The following SCML4 variants were observed in gnomAD, a reference collection of about 807,000 sequenced individuals.
SCML4 encodes sex comb on midleg-like protein 4.
Under a neutral mutation model 41.1 loss-of-function variants are expected in SCML4, and 34 were observed. The observed-to-expected ratio is 0.83, with a 90% CI of 0.63 to 1.10. The LOEUF (loss-of-function observed/expected upper bound fraction) is 1.10. Among genes scored for constraint, SCML4 ranks in the 50% least tolerant of loss-of-function variants. SCML4 has a pLI of 0.00. For synonymous variants in SCML4, 214 were observed against 220.9 expected (o/e 0.97, Z 0.28); for missense variants, 522 against 534.1 (o/e 0.98, Z 0.22).
intron 1 of SCML4, among the ~76,000 whole-genome samples, chr6:107,783,975 GCC>G (rs1034790620): frequency 5.9e-5 from 9 of 152,170 alleles, no homozygotes; most frequent in Non-Finnish European, 1.2e-4. Context: ...TCCTGCCCCT[GCC>G]CCTCAAGCTT....
chr6:107,821,222 T>C (rs962492350), intron 1 of SCML4, among the ~76,000 whole-genome samples: 9 of 152,172 alleles, frequency 5.9e-5, no homozygotes, highest in Non-Finnish European at 1.2e-4. Flanking sequence ...CCTGGTGGCT[T>C]CTGTTATATG....
At chr6:107,821,401 T>C (rs1203051648) in intron 1 of SCML4, among the ~76,000 whole-genome samples, 1 of 152,232 alleles carries the variant, frequency 6.6e-6, no homozygotes, top group Non-Finnish European at 1.5e-5. Flanking sequence ...TAGGGAGGCA[T>C]TGTTTAAAAG....
chr6:107,824,820 TAAAAC>T (rs543425543), upstream of SCML4, among the ~76,000 whole-genome samples: 17 of 152,156 alleles, frequency 1.1e-4, no homozygotes, highest in East Asian at 3.3e-3. Context: ...TTTGGACAAA[TAAAAC>T]AAAAAGAAAT....
intron 2 of SCML4, among the ~76,000 whole-genome samples, chr6:107,753,235 T>A (rs1778835550): frequency 6.6e-6 from 1 of 152,046 alleles, no homozygotes; most frequent in Non-Finnish European, 1.5e-5. Context: ...TTGGTGGAAA[T>A]GTAAAATAGT....
At chr6:107,753,156 A>C (rs565648962) in intron 2 of SCML4, among the ~76,000 whole-genome samples, 43 of 152,332 alleles carry the variant, frequency 2.8e-4, no homozygotes, top group African/African-American at 9.9e-4. Flanking sequence ...AAAAATAACA[A>C]AATGAAAACC....
At chr6:107,743,609 A>G (rs1777790016) in intron 5 of SCML4, among the ~76,000 whole-genome samples, 2 of 152,232 alleles carry the variant, frequency 1.3e-5, no homozygotes, top group Non-Finnish European at 1.5e-5. Flanking sequence ...CCTGTCATTT[A>G]CCCATAGGAA....
chr6:107,772,743 G>GAACAATATTATTTGAACAATAATATATTA (rs1257067688), intron 1 of SCML4, among the ~76,000 whole-genome samples: 1 of 152,168 alleles, frequency 6.6e-6, no homozygotes, highest in Non-Finnish European at 1.5e-5. Flanking sequence ...ACTTTGAACT[G>GAACAATATTATTTGAACAATAATATATTA]TTGTAACAAT....
At chr6:107,707,838 C>T (rs538755361) in intron 7 of SCML4, 28 bp downstream of exon 7, 11 of 1,551,626 alleles carry the variant, frequency 7.1e-6, no homozygotes, top group Middle Eastern at 1.7e-4. Flanking sequence ...CTCAATCCCC[C>T]CCAAGGTCAA....
chr6:107,832,793 C>A, the SCML4 span, among the ~76,000 whole-genome samples: 1 of 152,156 alleles, frequency 6.6e-6, no homozygotes, highest in Non-Finnish European at 1.5e-5. Flanking sequence ...CCGTAGGGAG[C>A]GGTAGAGGAT....
intron 1 of SCML4, among the ~76,000 whole-genome samples, chr6:107,778,196 C>CAAAAAAAAAAAAAAAAAAAA (rs1171221403): frequency 1.3e-4 from 1 of 7,752 alleles, no homozygotes; most frequent in Non-Finnish European, 3.1e-4. Flanking sequence ...GACTCTATCT[C>CAAAAAAAAAAAAAAAAAAAA]AAAAAAAAAA....
chr6:107,720,525 G>A lies in SCML4; in HGVS notation c.973+178C>T, dbSNP rs1775272926. On this transcript the variant is annotated intron_variant, in intron 6 of 7. Coordinates refer to ENST00000369020, the MANE Select transcript of SCML4 (RefSeq NM_198081.5). ...TACACGATTTTCTTTGCTTATCAAA[G>A]GTTGAGTTTGGCTGTTTTTGAGAAC... 12 of 1,382,602 alleles carry A rather than the reference G, an allele frequency of 8.7e-6. No individual in the cohort carries two copies. In the East Asian group the frequency reaches 3.1e-4, roughly 36 times the overall value. The allele number at this position is 1,382,602 out of a possible 1,614,324, so 85.6% of individuals were successfully genotyped here. A position where few individuals can be genotyped will look rare whatever the true frequency, so the allele number is the denominator to read the frequency against.
intron 2 of SCML4, among the ~76,000 whole-genome samples, chr6:107,766,379 A>T (rs1780043838): frequency 6.6e-6 from 1 of 152,052 alleles, no homozygotes; most frequent in Non-Finnish European, 1.5e-5. Context: ...CAAAAAAAAA[A>T]AAAAAAAGGG....
At position 107,808,522 on chromosome 6, in the gene SCML4, G is replaced by A. The variant is rs898391176; in HGVS notation, c.-60+15604C>T. 1.6e-4 allele frequency among the ~76,000 whole-genome samples: 25 copies of A among 152,086 alleles called. No individual in the cohort carries two copies. In the East Asian group the frequency reaches 2.3e-3, roughly 14 times the overall value. On this transcript the variant is annotated intron_variant, in intron 1 of 7. Coordinates refer to ENST00000369020, the MANE Select transcript of SCML4 (RefSeq NM_198081.5). Reference sequence around the variant, plus strand: ...CCTGGCCTCAAGTGATCCTCCCACCGCGGCCTCCCAGAGTGCTGGGATTAC... The same window carrying A: ...CCTGGCCTCAAGTGATCCTCCCACCACGGCCTCCCAGAGTGCTGGGATTAC...
the SCML4 span, among the ~76,000 whole-genome samples, chr6:107,834,352 T>C: frequency 1.3e-5 from 2 of 152,154 alleles, no homozygotes; most frequent in Non-Finnish European, 2.9e-5. Context: ...AGAGGTGCTA[T>C]ACCGAAAACA....
upstream of SCML4, among the ~76,000 whole-genome samples, chr6:107,825,936 C>CAAAAAA (rs71015515): frequency 1.9e-4 from 12 of 62,570 alleles, no homozygotes; most frequent in East Asian, 4.3e-4. Context: ...GACTCCATCT[C>CAAAAAA]AAAAAAAAAA....
intron 1 of SCML4, among the ~76,000 whole-genome samples, chr6:107,783,775 T>G (rs1029473365): frequency 1.3e-5 from 2 of 152,212 alleles, no homozygotes; most frequent in South Asian, 2.1e-4. Flanking sequence ...GGTCTGAGTT[T>G]GGAGGTAGAG....
chr6:107,839,393 G>GAAAGAAAGAAACAAAGAAAGAAAC, the SCML4 span, among the ~76,000 whole-genome samples: 3 of 134,388 alleles, frequency 2.2e-5, no homozygotes, highest in African/African-American at 8.6e-5. Flanking sequence ...AAGAAAGAAA[G>GAAAGAAAGAAACAAAGAAAGAAAC]AAAGAAAGAA....
intron 1 of SCML4, among the ~76,000 whole-genome samples, chr6:107,787,464 C>CAT (rs1182832787): frequency 1.6e-4 from 24 of 152,070 alleles, no homozygotes; most frequent in African/African-American, 5.8e-4. Context: ...TACACACACA[C>CAT]ATATATATAT....
intron 1 of SCML4, among the ~76,000 whole-genome samples, chr6:107,784,748 G>A (rs972858461): frequency 5.9e-5 from 9 of 152,248 alleles, no homozygotes; most frequent in Non-Finnish European, 8.8e-5. Flanking sequence ...GCCCTAGTGC[G>A]TGGGAGGTGA....
Sources: allele counts gnomAD v4.1 joint callset (sites outside exome capture counted in the v4.1 genomes callset), GRCh38; gene constraint gnomAD v4.1.1; transcripts MANE v1.5; gene names NCBI Gene and HGNC (gene_info 2026-07-23, HGNC 2026-07-21).